Variants in DCHS1 observed in about 807,000 individuals in gnomAD.
The protein encoded by DCHS1 is protocadherin-16.
In DCHS1, 78 loss-of-function variants were observed where a neutral mutation model predicts 213.9. That is an observed-to-expected ratio of 0.36 (90% CI 0.30 to 0.44). DCHS1 has a LOEUF of 0.44. Ranked by LOEUF, DCHS1 falls within the 20% of genes least tolerant of loss-of-function variation. The pLI is 1.00. For missense variants in DCHS1, 3,946 were observed against 4,395.9 expected, an observed-to-expected ratio of 0.90 and a Z score of 2.89; for synonymous variants, 1,828 against 1,873.7, an observed-to-expected ratio of 0.98 and a Z score of 0.63.
Position 6,631,356 on chromosome 11 carries a change from C to G in DCHS1, c.3727G>C (p.Asp1243His). ...GTCCCATTCTCCCCCTCATCTGGAT[C>G]CTTCGCCTGCAGAGTCGTCACCAGT... ...GTLVTTLQAK[D>H]PDEGENGTIL... Residue 1243 changes from aspartate to histidine, a missense_variant, in exon 8 of 21, where the codon GAT becomes CAT. Around this residue, in one of 3 missense-constraint regions of DCHS1, gnomAD observed 3,384 missense variants for 3,780.1 expected, o/e 0.90. Transcript: ENST00000299441. 1.2e-6 allele frequency: 2 copies of G among 1,613,994 alleles called. No individual in the cohort carries two copies. The highest frequency in any genetic ancestry group is 1.7e-6 in the Non-Finnish European group (2 of 1,179,872).
In DCHS1 at chr11:6,633,585, C is replaced by A; in HGVS notation, c.2282G>T (p.Gly761Val). The change falls in exon 5 of 21, where the codon GGG (glycine) becomes GTG (valine). Residue 761 changes from glycine to valine, a missense_variant. Physicochemically the swap from Gly to Val is moderately radical, Grantham distance 109. This residue lies in a region of DCHS1 where 3,384 missense variants were observed against 3,780.1 expected (regional missense o/e 0.90). Coordinates refer to ENST00000299441, the MANE Select transcript of DCHS1 (RefSeq NM_003737.4). The part of the protein sequence containing the change: ...RANSVVQLEI[G>V]AEDGGGLQAE... The stretch of plus-strand genomic sequence containing the variant: ...CTGTAGGCCACCTCCGTCCTCAGCC[C>A]CGATCTCCAGCTGCACCACAGAATT... 6.3e-7 allele frequency: 1 copy of A among 1,595,802 alleles called. No homozygotes were observed. The highest frequency in any genetic ancestry group is 2.3e-5 in the East Asian group (1 of 43,820).
rs929479197 is a variant in DCHS1, at chr11:6,622,528, A to T, written c.9148T>A (p.Phe3050Ile). The change falls in exon 21 of 21, where the codon TTC (phenylalanine) becomes ATC (isoleucine). Residue 3050 changes from phenylalanine (F) to isoleucine (I), a missense_variant. Coordinates refer to ENST00000299441, the MANE Select transcript of DCHS1 (RefSeq NM_003737.4). The surrounding 1 kb of genome is among the most constrained non-coding windows in gnomAD (Gnocchi z 5.4). Reference protein sequence around the residue: ...EDDEIRMINEFPRVASVASSL... With the variant: ...EDDEIRMINEIPRVASVASSL... Reference sequence around the variant, plus strand: ...GAGGCCACACTGGCCACACGGGGGAACTCATTGATCATGCGGATCTCATCA... The same window carrying T: ...GAGGCCACACTGGCCACACGGGGGATCTCATTGATCATGCGGATCTCATCA... 8 of 1,579,970 alleles carry T rather than the reference A, an allele frequency of 5.1e-6. No homozygotes were observed. Among genetic ancestry groups the T allele is most frequent in the Non-Finnish European group, 6.0e-6 (7 of 1,163,554 alleles).
In DCHS1 at chr11:6,650,311, C is replaced by T. The variant is rs372619600; in HGVS notation, c.-121+5252G>A. 2.0e-4 allele frequency among the ~76,000 whole-genome samples: 30 copies of T among 152,262 alleles called. No individual in the cohort carries two copies. The East Asian group carries it at 2.9e-3, about 15-fold the overall frequency. ...ACCTCCTGGAGGAGGTGCCCTTTCACCAGGAGACACAGGGAAATGGAAGCC... is the reference window on the plus strand; with the variant it reads ...ACCTCCTGGAGGAGGTGCCCTTTCATCAGGAGACACAGGGAAATGGAAGCC... On this transcript the variant is annotated intron_variant, in intron 1 of 20. Transcript: ENST00000299441.
Position 6,624,031 on chromosome 11 carries a change from G to C in DCHS1, c.7645C>G (p.Arg2549Gly), listed in dbSNP as rs372668967. Reference sequence around the variant, plus strand: ...AGCAACACCAGGCAGCCCAGTGCCCGGGGGCCTGGTCCAGCACTCTCCCCA... The same window carrying C: ...AGCAACACCAGGCAGCCCAGTGCCCCGGGGCCTGGTCCAGCACTCTCCCCA... ...EAGESAGPGP[R>G]ALGCLVLLEP... Residue 2549 changes from arginine (R) to glycine (G), a missense_variant, in exon 21 of 21, where the codon CGG becomes GGG. Arg to Gly is a moderately radical substitution (Grantham distance 125, BLOSUM62 -2). Around this residue, in one of 3 missense-constraint regions of DCHS1, gnomAD observed 3,384 missense variants for 3,780.1 expected, o/e 0.90. Transcript: ENST00000299441. 1.9e-6 allele frequency: 3 copies of C among 1,613,448 alleles called. 1 individual carries two copies. The highest frequency in any genetic ancestry group is 2.7e-5 in the African/African-American group (2 of 75,056).
chr11:6,651,779 G>A (rs1856246076), intron 1 of DCHS1, among the ~76,000 whole-genome samples: 1 of 152,168 alleles, frequency 6.6e-6, no homozygotes, highest in African/African-American at 2.4e-5. Flanking sequence ...AGAAGGGAAT[G>A]GTGACAGTTA....
chr11:6,621,635 G>A lies in DCHS1; in HGVS notation c.*144C>T, dbSNP rs1397183919. 1.1e-6 allele frequency: 1 copy of A among 916,650 alleles called. No individual in the cohort carries two copies. The allele number at this position is 916,650 out of a possible 1,614,324, so 56.8% of individuals were successfully genotyped here. ...TGGTCCTAGTACTCTGAGGGGGCTG[G>A]GGAGTTCAGGGTGGAGAGCTGGGGC... On this transcript the variant is annotated 3_prime_UTR_variant, in exon 21 of 21. Transcript: ENST00000299441.
In DCHS1 at chr11:6,625,788, C is replaced by G. The variant is rs1383519716; in HGVS notation, c.6732-61G>C. On this transcript the variant is annotated intron_variant, in intron 17 of 20. Coordinates refer to ENST00000299441, the MANE Select transcript of DCHS1 (RefSeq NM_003737.4). This position sits in a 1 kb window ranked among gnomAD's most constrained non-coding sequence, Gnocchi z 5.3. ...CAATAAGGGGGAACTCTGGGCAGGG[C>G]CAGGAGGACTCAGGACAGAGCTTAG... is the stretch of plus-strand genomic sequence containing the variant. The G allele has an allele frequency of 6.3e-7, 1 of 1,586,408 alleles. No homozygotes were observed. The highest frequency in any genetic ancestry group is 1.4e-5 in the African/African-American group (1 of 74,054).
chr11:6,648,155 T>C (rs1178395242), intron 1 of DCHS1, among the ~76,000 whole-genome samples: 4 of 152,158 alleles, frequency 2.6e-5, no homozygotes, highest in Non-Finnish European at 5.9e-5. Flanking sequence ...CAGCTTAGCA[T>C]AGAGACCAGG....
At position 6,632,243 on chromosome 11, in the gene DCHS1, G is replaced by A. The variant is rs1036529895; in HGVS notation, c.3269C>T (p.Thr1090Ile). 1 of 1,613,822 alleles carries A rather than the reference G, an allele frequency of 6.2e-7. No homozygotes were observed. The highest frequency in any genetic ancestry group is 2.2e-5 in the East Asian group (1 of 44,884). Residue 1090 changes from threonine (T) to isoleucine (I), a missense_variant, in exon 6 of 21, where the codon ACC becomes ATC. Around this residue, in one of 3 missense-constraint regions of DCHS1, gnomAD observed 3,384 missense variants for 3,780.1 expected, o/e 0.90. Coordinates refer to ENST00000299441, the MANE Select transcript of DCHS1 (RefSeq NM_003737.4). This position sits in a 1 kb window ranked among gnomAD's most constrained non-coding sequence, Gnocchi z 5.9. The part of the protein sequence containing the change: ...AELGQQTGTA[T>I]VRVSILNQNE... Reference sequence around the variant, plus strand: ...CTGGTTGAGGATGCTGACCCTCACGGTGGCTGTGCCTGTCTGCTGCCCCAA... The same window carrying A: ...CTGGTTGAGGATGCTGACCCTCACGATGGCTGTGCCTGTCTGCTGCCCCAA...
Position 6,647,676 on chromosome 11 carries a change from ACT to A in DCHS1, c.-120-5945_-120-5944del, listed in dbSNP as rs533056117. Among the ~76,000 whole-genome samples, 81 of 152,304 alleles carry A rather than the reference ACT, an allele frequency of 5.3e-4. 3 individuals are homozygous for A. In the South Asian group the frequency reaches 0.016, roughly 30 times the overall value. ...TCCATTTTCAAACAAGGAAATTGAG[ACT>A]CAGAGTGAAACAATTTTCCTGAGTT... On this transcript the variant is annotated intron_variant, in intron 1 of 20. Transcript: ENST00000299441.
At chr11:6,633,319 C>T (rs1855941602) in intron 5 of DCHS1, 93 bp downstream of exon 5, 2 of 1,328,946 alleles carry the variant, frequency 1.5e-6, no homozygotes, top group Admixed American at 2.1e-5. Context: ...GGCTATCTGC[C>T]CTGTGATACT....
chr11:6,643,663 C>T (rs1856113114), intron 1 of DCHS1, among the ~76,000 whole-genome samples: 1 of 152,178 alleles, frequency 6.6e-6, no homozygotes, highest in Non-Finnish European at 1.5e-5. Context: ...CCATACTCTG[C>T]CTGCGTGATC....
In DCHS1 at chr11:6,632,372, A is replaced by C; in HGVS notation, c.3140T>G (p.Leu1047Arg). Reference protein sequence around the residue: ...AAEGASSPFGLEPQSGWLWVR... With the variant: ...AAEGASSPFGREPQSGWLWVR... ...CCATAGCCACCCACTCTGTGGCTCC[A>C]GGCCAAAGGGGCTACTTGCTCCCTC... Residue 1047 changes from leucine (L) to arginine (R), a missense_variant, in exon 6 of 21, where the codon CTG becomes CGG. Coordinates refer to ENST00000299441, the MANE Select transcript of DCHS1 (RefSeq NM_003737.4). This position sits in a 1 kb window ranked among gnomAD's most constrained non-coding sequence, Gnocchi z 5.9. 6.2e-7 allele frequency: 1 copy of C among 1,613,918 alleles called. No individual in the cohort carries two copies. Among genetic ancestry groups the C allele is most frequent in the Admixed American group, 1.7e-5 (1 of 60,020 alleles).
rs999048157 is a variant in DCHS1, at chr11:6,628,880, G to A, written c.5162-50C>T. ...GTCTAGTCTGCCCTCACCACATGGAGAAATCCACACCACACAGTGTTCATA... is the reference window on the plus strand; with the variant it reads ...GTCTAGTCTGCCCTCACCACATGGAAAAATCCACACCACACAGTGTTCATA... On this transcript the variant is annotated intron_variant, in intron 12 of 20. Transcript: ENST00000299441. The surrounding 1 kb of genome is among the most constrained non-coding windows in gnomAD (Gnocchi z 4.3). 5 of 1,560,692 alleles carry A rather than the reference G, an allele frequency of 3.2e-6. No homozygotes were observed. In the African/African-American group the frequency reaches 6.8e-5, roughly 21 times the overall value.
At chr11:6,642,969 A>G (rs1056868754) in intron 1 of DCHS1, among the ~76,000 whole-genome samples, 1 of 152,136 alleles carries the variant, frequency 6.6e-6, no homozygotes, top group African/African-American at 2.4e-5. Flanking sequence ...GGAAGTAGAG[A>G]GGCCGGGCTT....
At chr11:6,646,336 A>T (rs2134653576) in intron 1 of DCHS1, among the ~76,000 whole-genome samples, 1 of 152,104 alleles carries the variant, frequency 6.6e-6, no homozygotes, top group East Asian at 1.9e-4. Flanking sequence ...ACTGTGCCTC[A>T]TCACTTCCTG....
chr11:6,632,406 G>T lies in DCHS1; in HGVS notation c.3106C>A (p.Leu1036Ile). 7 of 1,613,116 alleles carry T rather than the reference G, an allele frequency of 4.3e-6. No individual in the cohort carries two copies. Among genetic ancestry groups the T allele is most frequent in the Non-Finnish European group, 5.9e-6 (7 of 1,179,298 alleles). The change falls in exon 6 of 21, where the codon CTT becomes ATT. Residue 1036 changes from leucine (L) to isoleucine (I), a missense_variant. Coordinates refer to ENST00000299441, the MANE Select transcript of DCHS1 (RefSeq NM_003737.4). This position sits in a 1 kb window ranked among gnomAD's most constrained non-coding sequence, Gnocchi z 5.9. Reference sequence around the variant, plus strand: ...GGGCTACTTGCTCCCTCTGCTGCAAGGTGATAGGTGATAGGGCCCCCATCT... The same window carrying T: ...GGGCTACTTGCTCCCTCTGCTGCAATGTGATAGGTGATAGGGCCCCCATCT... ...APDGGPITYH[L>I]AAEGASSPFG...
In DCHS1 at chr11:6,625,868, G is replaced by A; in HGVS notation, c.6731+52C>T. The A allele has an allele frequency of 6.2e-7, 1 of 1,600,598 alleles. No homozygotes were observed. The highest frequency in any genetic ancestry group is 1.1e-5 in the South Asian group (1 of 89,108). On this transcript the variant is annotated intron_variant, in intron 17 of 20. Coordinates refer to ENST00000299441, the MANE Select transcript of DCHS1 (RefSeq NM_003737.4). This position sits in a 1 kb window ranked among gnomAD's most constrained non-coding sequence, Gnocchi z 5.3. ...ACCAGATGAGTTCAAGGCAGGGCTT[G>A]AAACTGGACAGGCCCAAGATGGGGT... is the stretch of plus-strand genomic sequence containing the variant.
rs759645411 is a variant in DCHS1, at chr11:6,630,425, T to C, written c.4369A>G (p.Thr1457Ala). ...ENPEPGAALY[T>A]FRASDADGPG... ...CCGTCGGCGTCCGACGCGCGGAAAGTGTACAGCGCTGCGCCGGGCTCCGGG... is the reference window on the plus strand; with the variant it reads ...CCGTCGGCGTCCGACGCGCGGAAAGCGTACAGCGCTGCGCCGGGCTCCGGG... Residue 1457 changes from threonine to alanine, a missense_variant, in exon 10 of 21, where the codon ACT becomes GCT. Coordinates refer to ENST00000299441, the MANE Select transcript of DCHS1 (RefSeq NM_003737.4). 6.9e-5 allele frequency: 102 copies of C among 1,476,654 alleles called. 2 individuals carry two copies. In the South Asian group the frequency reaches 9.8e-4, roughly 14 times the overall value. The allele number at this position is 1,476,654 out of a possible 1,614,324, so 91.5% of individuals were successfully genotyped here.
Sources: allele counts gnomAD v4.1 joint callset (sites outside exome capture counted in the v4.1 genomes callset), GRCh38; gene constraint gnomAD v4.1.1; regional missense constraint gnomAD v4.1.1; non-coding constraint Gnocchi (gnomAD v3.1); transcripts MANE v1.5; gene names NCBI Gene and HGNC (gene_info 2026-07-23, HGNC 2026-07-21).